RGPD4: variants seen among roughly 807,000 people sequenced by gnomAD.
RGPD4 encodes the protein ranBP2-like and GRIP domain-containing protein 4.
RGPD4 carries 84 observed loss-of-function variants against 141.1 expected under a neutral mutation model. The ratio of observed to expected loss-of-function variants is 0.60; its 90% CI spans 0.50 to 0.71. The LOEUF is 0.71. Among genes scored for constraint, RGPD4 ranks in the 30% least tolerant of loss-of-function variants. The pLI is 0.00. For synonymous variants in RGPD4, 298 were observed against 566.8 expected, an observed-to-expected ratio of 0.53 and a Z score of 6.74; for missense variants, 918 against 1,622.4, an observed-to-expected ratio of 0.57 and a Z score of 7.46.
At chr2:107,831,406 C>A (rs1463316456) in intron 1 of RGPD4, among the ~76,000 whole-genome samples, 1 of 145,404 alleles carries the variant, frequency 6.9e-6, no homozygotes, top group African/African-American at 2.5e-5. Context: ...CCTCCTACCT[C>A]TGTTTCCTGA....
Position 107,870,899 on chromosome 2 carries a change from A to G in RGPD4, c.2895A>G (p.Gln965=). ...ATGGCCGTGGTGTGATTTTTGGCCAAACAAGTAGCACTTTTACATTTGCAG... is the reference window on the plus strand; with the variant it reads ...ATGGCCGTGGTGTGATTTTTGGCCAGACAAGTAGCACTTTTACATTTGCAG... ...QKNGRGVIFG[Q]TSSTFTFADV... The change falls in exon 20 of 23, where the codon CAA becomes CAG. Residue 965 remains glutamine, a synonymous_variant. Transcript: ENST00000408999. 1 of 1,609,902 alleles carries G rather than the reference A, an allele frequency of 6.2e-7. No individual in the cohort carries two copies. The highest frequency in any genetic ancestry group is 8.5e-7 in the Non-Finnish European group (1 of 1,178,946).
intron 22 of RGPD4, among the ~76,000 whole-genome samples, chr2:107,883,926 A>G (rs1326917716): frequency 1.3e-5 from 2 of 152,172 alleles, no homozygotes; most frequent in East Asian, 3.9e-4. Flanking sequence ...GGGGAGAGTT[A>G]GAGACTTAAA....
At chr2:107,873,559 C>G (rs1231050302) in intron 20 of RGPD4, among the ~76,000 whole-genome samples, 1 of 129,360 alleles carries the variant, frequency 7.7e-6, no homozygotes, top group Non-Finnish European at 1.5e-5. Flanking sequence ...GACTGAGTGA[C>G]TGAGACTTTG....
chr2:107,888,732 G>T (rs1273230809), intron 22 of RGPD4, among the ~76,000 whole-genome samples: 2 of 92,742 alleles, frequency 2.2e-5, no homozygotes, highest in East Asian at 4.3e-4. Context: ...TGCACACTTT[G>T]TTGAAGCAAG....
intron 1 of RGPD4, among the ~76,000 whole-genome samples, chr2:107,827,581 G>A (rs375277437): frequency 2.1e-4 from 11 of 52,272 alleles, no homozygotes; most frequent in South Asian, 1.6e-3. Flanking sequence ...CTCTGTTGAG[G>A]CGGCGGCCTC....
Position 107,883,092 on chromosome 2 carries a change from A to C in RGPD4, c.5266+219A>C, listed in dbSNP as rs542089704. The C allele has an allele frequency of 1.4e-5, 9 of 663,614 alleles. No individual in the cohort carries two copies. In the Admixed American group the frequency reaches 2.3e-4, roughly 17 times the overall value. 41.1% of individuals were successfully genotyped at this position (663,614 alleles called of 1,614,324 possible). On this transcript the variant is annotated intron_variant, in intron 22 of 22. Coordinates refer to ENST00000408999, the MANE Select transcript of RGPD4 (RefSeq NM_182588.3). ...TTTTAACGTTCAGCAAAATACAATA[A>C]GTGCTTAGCTTGATCTTCTAGCTCT...
intron 1 of RGPD4, among the ~76,000 whole-genome samples, chr2:107,832,721 G>A (rs1411760694): frequency 3.3e-5 from 5 of 151,586 alleles, no homozygotes; most frequent in South Asian, 4.2e-4. Flanking sequence ...TTTGGTTATC[G>A]AATTCTGAGT....
At chr2:107,845,815 C>T (rs560953483) in intron 6 of RGPD4, among the ~76,000 whole-genome samples, 12 of 152,080 alleles carry the variant, frequency 7.9e-5, no homozygotes, top group Non-Finnish European at 1.0e-4. Flanking sequence ...CTGCCCTCCT[C>T]GGCCTCCCAA....
rs1437910087 is a variant in RGPD4, at chr2:107,830,696, A to G, written c.72+3611A>G. 1.6e-4 allele frequency among the ~76,000 whole-genome samples: 25 copies of G among 152,180 alleles called. 1 individual carries two copies. In the South Asian group the frequency reaches 5.2e-3, roughly 32 times the overall value. On this transcript the variant is annotated intron_variant, in intron 1 of 22. Coordinates refer to ENST00000408999, the MANE Select transcript of RGPD4 (RefSeq NM_182588.3). ...ACAGGGTGCTTTGGATAGAAGGTAA[A>G]GAATGGAGGGAGAAGAGGCAGTGGC... is the stretch of plus-strand genomic sequence containing the variant.
At chr2:107,886,706 C>T (rs1408361610) in intron 22 of RGPD4, among the ~76,000 whole-genome samples, 10 of 151,986 alleles carry the variant, frequency 6.6e-5, no homozygotes, top group Non-Finnish European at 1.5e-4. Flanking sequence ...AAATAATAAC[C>T]AACACTGCAT....
chr2:107,881,844 T>A (rs915423710), intron 21 of RGPD4, among the ~76,000 whole-genome samples: 2 of 151,708 alleles, frequency 1.3e-5, no homozygotes, highest in Non-Finnish European at 2.9e-5. Flanking sequence ...ATTTCTCTGA[T>A]AGTGTTTTAC....
Position 107,872,647 on chromosome 2 carries a change from G to T in RGPD4, c.4643G>T (p.Arg1548Ile), listed in dbSNP as rs1328476296. The change falls in exon 20 of 23, where the codon AGA becomes ATA. Residue 1548 changes from arginine to isoleucine, a missense_variant. Coordinates refer to ENST00000408999, the MANE Select transcript of RGPD4 (RefSeq NM_182588.3). The stretch of plus-strand genomic sequence containing the variant: ...GTATTTGGTTCAGAGTCTGTTAAAA[G>T]AATTTTTAGTAGTGAAAAATCAAAA... ...KFVFGSESVK[R>I]IFSSEKSKPF... 7 of 1,609,640 alleles carry T rather than the reference G, an allele frequency of 4.3e-6. No homozygotes were observed. Among genetic ancestry groups the T allele is most frequent in the South Asian group, 2.2e-5 (2 of 90,850 alleles).
At chr2:107,877,782 C>T (rs1425274087) in intron 20 of RGPD4, among the ~76,000 whole-genome samples, 2 of 151,732 alleles carry the variant, frequency 1.3e-5, no homozygotes, top group African/African-American at 2.4e-5. Context: ...AAATGACTAA[C>T]GTAGTTAAAA....
At chr2:107,854,476 A>C (rs1387987526) in intron 7 of RGPD4, 80 bp from the exon 8 acceptor site, 8 of 767,472 alleles carry the variant, frequency 1.0e-5, no homozygotes, top group Non-Finnish European at 1.7e-5. Context: ...CAAAAAAAGT[A>C]CAGTGTAATA....
chr2:107,829,808 GT>G (rs1165505571), intron 1 of RGPD4, among the ~76,000 whole-genome samples: 1 of 152,102 alleles, frequency 6.6e-6, no homozygotes, highest in Non-Finnish European at 1.5e-5. Flanking sequence ...TTCTGGCCCC[GT>G]AGTACCCGCG....
Position 107,844,802 on chromosome 2 carries a change from C to CCTTTCTTT in RGPD4, c.782+1089_782+1096dup, listed in dbSNP as rs370881895. Among the ~76,000 whole-genome samples, 157 of 53,748 alleles carry CCTTTCTTT rather than the reference C, an allele frequency of 2.9e-3. 3 individuals carry two copies. Among genetic ancestry groups the CCTTTCTTT allele is most frequent in the Non-Finnish European group, 3.4e-3 (86 of 25,020 alleles). The allele number at this position is 53,748 out of a possible 152,430, so 35.3% of individuals were successfully genotyped here. On this transcript the variant is annotated intron_variant, in intron 6 of 22. Transcript: ENST00000408999. ...CATCAAAGATGTTTGTATGTGGGTT[C>CCTTTCTTT]CTTTCTTTCTTTCTTTCTTTCTTTT... is the stretch of plus-strand genomic sequence containing the variant.
chr2:107,873,820 C>T (rs1683013021), intron 20 of RGPD4, among the ~76,000 whole-genome samples: 1 of 150,016 alleles, frequency 6.7e-6, no homozygotes, highest in Admixed American at 6.6e-5. Context: ...TAATTTTAGC[C>T]TTTTTAAATC....
At chr2:107,847,848 CAATT>C (rs1340854063) in intron 6 of RGPD4, among the ~76,000 whole-genome samples, 5 of 93,370 alleles carry the variant, frequency 5.4e-5, no homozygotes, top group African/African-American at 1.8e-4. Flanking sequence ...AAAAAAAAGA[CAATT>C]TATTTAATGC....
chr2:107,826,912 A>G lies in RGPD4; in HGVS notation c.-102A>G, dbSNP rs987717169. Reference sequence around the variant, plus strand: ...TCGTCACAGTGGTCCTCCGCCGGCTACGCGGAGTCAGTGGCTTTCAGGCGC... The same window carrying G: ...TCGTCACAGTGGTCCTCCGCCGGCTGCGCGGAGTCAGTGGCTTTCAGGCGC... On this transcript the variant is annotated 5_prime_UTR_variant, in exon 1 of 23. Transcript: ENST00000408999. 2.5e-5 allele frequency: 38 copies of G among 1,544,950 alleles called. No individual in the cohort carries two copies. In the African/African-American group the frequency reaches 3.0e-4, roughly 12 times the overall value.
Sources: allele counts gnomAD v4.1 joint callset (sites outside exome capture counted in the v4.1 genomes callset), GRCh38; gene constraint gnomAD v4.1.1; transcripts MANE v1.5; gene names NCBI Gene and HGNC (gene_info 2026-07-23, HGNC 2026-07-21).